LOC128125817: variants seen among roughly 807,000 people sequenced by gnomAD.
At chr1:41,619,442 T>C in the LOC128125817 span, among the ~76,000 whole-genome samples, 10 of 152,358 alleles carry the variant, frequency 6.6e-5, no homozygotes, top group Admixed American at 3.9e-4. Flanking sequence ...ATACAGTCTA[T>C]AGAGAGTGTG....
At chr1:41,591,693 G>C in the LOC128125817 span, among the ~76,000 whole-genome samples, 2 of 151,882 alleles carry the variant, frequency 1.3e-5, no homozygotes, top group Non-Finnish European at 2.9e-5. Flanking sequence ...GGATTTTCAT[G>C]AGATAATGAC....
chr1:41,621,131 C>A, the LOC128125817 span, among the ~76,000 whole-genome samples: 3 of 152,336 alleles, frequency 2.0e-5, no homozygotes, highest in African/African-American at 7.2e-5. Context: ...AAGGCATCAC[C>A]CGGCTTCCTA....
chr1:41,627,607 G>A, the LOC128125817 span, among the ~76,000 whole-genome samples: 1 of 152,164 alleles, frequency 6.6e-6, no homozygotes, highest in South Asian at 2.1e-4. Flanking sequence ...CATCTCTGAG[G>A]GCTGCCTGTG....
chr1:41,609,627 C>T, the LOC128125817 span, among the ~76,000 whole-genome samples: 1 of 152,262 alleles, frequency 6.6e-6, no homozygotes, highest in East Asian at 1.9e-4. Flanking sequence ...TAAGACCCTT[C>T]AGCCTCCCCA....
the LOC128125817 span, among the ~76,000 whole-genome samples, chr1:41,606,137 T>C: frequency 6.7e-6 from 1 of 150,348 alleles, no homozygotes; most frequent in African/African-American, 2.5e-5. Context: ...TGCAGAGTTT[T>C]TCGCATTCAA....
At chr1:41,610,620 C>A in the LOC128125817 span, among the ~76,000 whole-genome samples, 1 of 152,220 alleles carries the variant, frequency 6.6e-6, no homozygotes, top group Non-Finnish European at 1.5e-5. Context: ...CAGTGGCCCA[C>A]AGCCTTCTTC....
At chr1:41,605,763 C>T in the LOC128125817 span, among the ~76,000 whole-genome samples, 1 of 151,656 alleles carries the variant, frequency 6.6e-6, no homozygotes, top group Non-Finnish European at 1.5e-5. Context: ...TGGGGAAACC[C>T]TAATTGTGTG....
At chr1:41,610,884 T>A in the LOC128125817 span, among the ~76,000 whole-genome samples, 1 of 152,306 alleles carries the variant, frequency 6.6e-6, no homozygotes, top group Non-Finnish European at 1.5e-5. Flanking sequence ...TCAGCCTTCT[T>A]AAACTTGCCC....
chr1:41,598,641 C>A, the LOC128125817 span, among the ~76,000 whole-genome samples: 953 of 152,264 alleles, frequency 6.3e-3, 5 homozygotes, highest in Non-Finnish European at 0.01. Context: ...ACTACGTGGG[C>A]CTTCTCAATG....
At chr1:41,589,352 C>T in the LOC128125817 span, among the ~76,000 whole-genome samples, 2 of 152,234 alleles carry the variant, frequency 1.3e-5, no homozygotes, top group Non-Finnish European at 2.9e-5. Context: ...GGTTAGCTCC[C>T]ACTTCAAGAA....
At chr1:41,603,070 T>C in the LOC128125817 span, among the ~76,000 whole-genome samples, 1 of 152,100 alleles carries the variant, frequency 6.6e-6, no homozygotes, top group East Asian at 1.9e-4. Flanking sequence ...TATTTATTTT[T>C]ATTTTTTATT....
chr1:41,616,192 G>A, the LOC128125817 span, among the ~76,000 whole-genome samples: 19 of 152,170 alleles, frequency 1.2e-4, no homozygotes, highest in African/African-American at 4.6e-4. Flanking sequence ...GTCATGGTTG[G>A]CATGGCTCAT....
At chr1:41,611,328 G>A in the LOC128125817 span, among the ~76,000 whole-genome samples, 1 of 152,170 alleles carries the variant, frequency 6.6e-6, no homozygotes, top group African/African-American at 2.4e-5. Context: ...GGTGGTTTAA[G>A]GAAGGCAAAT....
At chr1:41,590,845 C>T in the LOC128125817 span, among the ~76,000 whole-genome samples, 2 of 152,158 alleles carry the variant, frequency 1.3e-5, no homozygotes, top group Admixed American at 6.5e-5. Flanking sequence ...CATGCGGCAA[C>T]ACAGCACAGC....
chr1:41,617,569 C>T, the LOC128125817 span, among the ~76,000 whole-genome samples: 1 of 152,224 alleles, frequency 6.6e-6, no homozygotes, highest in African/African-American at 2.4e-5. Flanking sequence ...AGTGCGGCAC[C>T]GCCTGGGGTG....
chr1:41,606,004 T>C, the LOC128125817 span, among the ~76,000 whole-genome samples: 1 of 152,236 alleles, frequency 6.6e-6, no homozygotes, highest in South Asian at 2.1e-4. Flanking sequence ...GATGTAGTAC[T>C]GGTGTGGTTA....
At chr1:41,627,561 C>T in the LOC128125817 span, among the ~76,000 whole-genome samples, 1 of 152,192 alleles carries the variant, frequency 6.6e-6, no homozygotes, top group East Asian at 1.9e-4. Flanking sequence ...GACACAGGCT[C>T]TAGCCACCCC....
At chr1:41,614,818 C>T in the LOC128125817 span, among the ~76,000 whole-genome samples, 2 of 152,158 alleles carry the variant, frequency 1.3e-5, no homozygotes, top group Non-Finnish European at 2.9e-5. Flanking sequence ...GCACAGTCTC[C>T]GTGTTCTGAT....
At chr1:41,597,818 C>A in the LOC128125817 span, among the ~76,000 whole-genome samples, 1 of 152,290 alleles carries the variant, frequency 6.6e-6, no homozygotes, top group East Asian at 1.9e-4. Flanking sequence ...AGTGTTTAAG[C>A]CTTGCTTCCA....
Sources: allele counts gnomAD v4.1 joint callset (sites outside exome capture counted in the v4.1 genomes callset), GRCh38; gene constraint gnomAD v4.1.1; transcripts MANE v1.5.